The following CACNB2 variants were observed in gnomAD, a reference collection of about 807,000 sequenced individuals.
CACNB2 encodes voltage-dependent L-type calcium channel subunit beta-2.
Under a neutral mutation model 73.3 loss-of-function variants are expected in CACNB2, and 42 were observed. The ratio of observed to expected loss-of-function variants is 0.57; its 90% confidence interval spans 0.45 to 0.74. CACNB2 has a LOEUF of 0.74. Among genes scored for constraint, CACNB2 ranks in the 30% least tolerant of loss-of-function variants. The pLI, the probability that CACNB2 is intolerant of heterozygous loss-of-function variation, is 0.00. For synonymous variants in CACNB2, 348 were observed against 310.3 expected (o/e 1.12, Z -1.28); for missense variants, 940 against 853.0 (o/e 1.10, Z -1.27).
At chr10:18,449,275 C>T (rs573229795) in intron 3 of CACNB2, among the ~76,000 whole-genome samples, 4 of 152,222 alleles carry the variant, frequency 2.6e-5, no homozygotes, top group African/African-American at 9.6e-5. Context: ...GTCCCAGCTA[C>T]TCGGGAGGCT....
chr10:18,479,226 T>C (rs1020827542), intron 3 of CACNB2, among the ~76,000 whole-genome samples: 3 of 152,200 alleles, frequency 2.0e-5, no homozygotes, highest in African/African-American at 7.2e-5. Flanking sequence ...ATAATCTGTG[T>C]GTATATGTAT....
At chr10:18,419,424 TTAAAA>T (rs2045196074) in intron 3 of CACNB2, among the ~76,000 whole-genome samples, 5 of 152,268 alleles carry the variant, frequency 3.3e-5, no homozygotes, top group Admixed American at 2.0e-4. Context: ...ACTCTTTACT[TTAAAA>T]TGAGAGAGAG....
In CACNB2 at chr10:18,394,419, A is replaced by G. The variant is rs939751342; in HGVS notation, c.214-7505A>G. ...ACAGAAAAAACATATGCTTTTGATT[A>G]ACAAAAACATCAGATGCATGTAGGA... On this transcript the variant is annotated intron_variant, in intron 2 of 13. Transcript: ENST00000324631. Among the ~76,000 whole-genome samples, 7 of 152,360 alleles carry G rather than the reference A, an allele frequency of 4.6e-5. No homozygotes were observed. In the East Asian group the frequency reaches 1.2e-3, roughly 25 times the overall value.
intron 10 of CACNB2, among the ~76,000 whole-genome samples, chr10:18,529,165 CTGAAT>C (rs2052754441): frequency 6.6e-6 from 1 of 152,164 alleles, no homozygotes; most frequent in Non-Finnish European, 1.5e-5. Context: ...ATAAATTAAA[CTGAAT>C]TAACAAAGTC....
intron 2 of CACNB2, chr10:18,261,105 G>A (rs879814657): frequency 3.3e-5 from 48 of 1,462,012 alleles, no homozygotes; most frequent in East Asian, 2.4e-4. Flanking sequence ...CTGCAGGAAC[G>A]GTGGCTTTTT....
At chr10:18,411,505 CATT>C (rs1457323528) in intron 3 of CACNB2, among the ~76,000 whole-genome samples, 11 of 128,304 alleles carry the variant, frequency 8.6e-5, no homozygotes, top group African/African-American at 3.4e-4. Context: ...TGTCTTTGAG[CATT>C]TTTTTTTTTT....
At chr10:18,350,586 T>C (rs372976108) in intron 2 of CACNB2, among the ~76,000 whole-genome samples, 175 of 152,258 alleles carry the variant, frequency 1.1e-3, no homozygotes, top group African/African-American at 4.0e-3. Context: ...CACCCAGGGG[T>C]ACCTCCTTGA....
intron 2 of CACNB2, among the ~76,000 whole-genome samples, chr10:18,215,129 GTA>G (rs1475874214): frequency 6.6e-6 from 1 of 152,002 alleles, no homozygotes; most frequent in Non-Finnish European, 1.5e-5. Context: ...GAGATTCCCA[GTA>G]TGGTATTCAT....
intron 2 of CACNB2, among the ~76,000 whole-genome samples, chr10:18,229,511 C>T (rs1435133352): frequency 2.0e-5 from 3 of 152,042 alleles, no homozygotes; most frequent in Non-Finnish European, 2.9e-5. Context: ...AAACTTTTTT[C>T]AATTTTGCTT....
At chr10:18,418,914 A>G (rs978451120) in intron 3 of CACNB2, among the ~76,000 whole-genome samples, 28 of 152,334 alleles carry the variant, frequency 1.8e-4, no homozygotes, top group African/African-American at 6.7e-4. Context: ...TTTTTAAACA[A>G]CCAACTATCC....
intron 2 of CACNB2, among the ~76,000 whole-genome samples, chr10:18,317,357 C>T (rs568751584): frequency 3.3e-5 from 5 of 152,072 alleles, no homozygotes; most frequent in South Asian, 2.1e-4. Flanking sequence ...AAGTAGTGAA[C>T]AAAGAACCCA....
chr10:18,309,764 T>C (rs2039887778), intron 2 of CACNB2, among the ~76,000 whole-genome samples: 1 of 152,014 alleles, frequency 6.6e-6, no homozygotes, highest in South Asian at 2.1e-4. Context: ...GCCCAGAAAA[T>C]GTGGGTTTTA....
At chr10:18,269,384 T>C (rs892459734) in intron 2 of CACNB2, among the ~76,000 whole-genome samples, 23 of 152,232 alleles carry the variant, frequency 1.5e-4, no homozygotes, top group Non-Finnish European at 7.3e-5. Context: ...TCCATTTTTT[T>C]CTTCCTATTT....
rs34698093 is a variant in CACNB2, at chr10:18,391,925, CAAAAAAA to C, written c.214-9985_214-9979del. ...CCTGAGTGACAGAGTAAGACCCTGT[CAAAAAAA>C]AAAAAAAAAAAAAGAAGGTAAAAGC... is the stretch of plus-strand genomic sequence containing the variant. On this transcript the variant is annotated intron_variant, in intron 2 of 13. Coordinates refer to ENST00000324631, the MANE Select transcript of CACNB2 (RefSeq NM_201596.3). 3.5e-5 allele frequency among the ~76,000 whole-genome samples: 3 copies of C among 84,618 alleles called. No homozygotes were observed. The Admixed American group carries it at 5.1e-4, about 14-fold the overall frequency. 55.5% of individuals were successfully genotyped at this position (84,618 alleles called of 152,430 possible).
At chr10:18,222,061 G>A (rs1254573221) in intron 2 of CACNB2, among the ~76,000 whole-genome samples, 2 of 152,170 alleles carry the variant, frequency 1.3e-5, no homozygotes, top group African/African-American at 4.8e-5. Context: ...AGTTGCTAAC[G>A]TTACAAGGAA....
intron 2 of CACNB2, among the ~76,000 whole-genome samples, chr10:18,322,470 G>A (rs1462741210): frequency 1.3e-5 from 2 of 152,060 alleles, no homozygotes; most frequent in Non-Finnish European, 2.9e-5. Flanking sequence ...TAACAAGTTT[G>A]TTGTCCTACA....
rs77877152 is a variant in CACNB2, at chr10:18,401,612, T to C, written c.214-312T>C. Among the ~76,000 whole-genome samples the C allele has an allele frequency of 7.2e-3, 1,097 of 152,286 alleles. 16 individuals carry two copies. Among genetic ancestry groups the C allele is most frequent in the African/African-American group, 0.025 (1,032 of 41,564 alleles). On this transcript the variant is annotated intron_variant, in intron 2 of 13. Coordinates refer to ENST00000324631, the MANE Select transcript of CACNB2 (RefSeq NM_201596.3). ...TGAAGCTATCCTTGAAACCCATCGT[T>C]GTCCTTCAGTTCTGCACTGCACCAT...
At chr10:18,228,445 A>AAAAAAAAAGAAAAG (rs1359204235) in intron 2 of CACNB2, among the ~76,000 whole-genome samples, 1 of 148,158 alleles carries the variant, frequency 6.7e-6, no homozygotes, top group African/African-American at 2.5e-5. Flanking sequence ...AAAAAAAAAA[A>AAAAAAAAAGAAAAG]AAAAGAAAAA....
In CACNB2 at chr10:18,147,082, C is replaced by G. The variant is rs75170098; in HGVS notation, c.121-3801C>G. 1.5e-3 allele frequency among the ~76,000 whole-genome samples: 233 copies of G among 152,330 alleles called. 5 individuals are homozygous for G. The East Asian group carries it at 0.034, about 22-fold the overall frequency. ...ACGGCTAAAATCTCCAGTTAACTGA[C>G]AACTTCTGTAATTAATTATTCCTGT... On this transcript the variant is annotated intron_variant, in intron 1 of 13. Transcript: ENST00000324631.
Sources: gnomAD v4.1 joint callset for allele counts (sites outside exome capture counted in the v4.1 genomes callset) on GRCh38, gnomAD v4.1.1 for gene constraint, MANE v1.5 for transcripts, NCBI Gene and HGNC (gene_info 2026-07-23, HGNC 2026-07-21) for gene names.